GPC5: variants seen among roughly 807,000 people sequenced by gnomAD.
GPC5 encodes the protein glypican-5.
In GPC5, 47 loss-of-function variants were observed where a neutral mutation model predicts 53.9. That is an observed-to-expected ratio of 0.87 (90% CI 0.69 to 1.11). The LOEUF (loss-of-function observed/expected upper bound fraction) is 1.11, where lower values mean the gene tolerates loss of function less well. GPC5 is among the 50% of genes most tolerant of loss of function. The pLI is 0.00. For synonymous variants in GPC5, 286 were observed against 263.3 expected (o/e 1.09, Z -0.84); for missense variants, 748 against 713.1 (o/e 1.05, Z -0.56).
chr13:92,125,931 T>G (rs1400241123), intron 6 of GPC5, among the ~76,000 whole-genome samples: 536 of 4,992 alleles, frequency 0.11, 16 homozygotes, highest in African/African-American at 0.15. Flanking sequence ...TTGGTTTTTT[T>G]TTTTTTTTTT....
intron 6 of GPC5, among the ~76,000 whole-genome samples, chr13:91,938,005 C>T (rs928188498): frequency 6.6e-6 from 1 of 151,972 alleles, no homozygotes; most frequent in Non-Finnish European, 1.5e-5. Flanking sequence ...ATTCATGAGA[C>T]CATTTTCAAG....
At chr13:91,962,791 A>T (rs1320779108) in intron 6 of GPC5, among the ~76,000 whole-genome samples, 1 of 152,196 alleles carries the variant, frequency 6.6e-6, no homozygotes, top group African/African-American at 2.4e-5. Flanking sequence ...TTGAGAAATG[A>T]TTCTGCTGGT....
At chr13:92,080,665 A>C (rs2138879818) in intron 6 of GPC5, among the ~76,000 whole-genome samples, 1 of 152,256 alleles carries the variant, frequency 6.6e-6, no homozygotes, top group South Asian at 2.1e-4. Context: ...TACTTACACA[A>C]GTTCTATCTC....
intron 6 of GPC5, among the ~76,000 whole-genome samples, chr13:92,019,956 T>C (rs1305200563): frequency 6.6e-6 from 1 of 152,108 alleles, no homozygotes; most frequent in Non-Finnish European, 1.5e-5. Flanking sequence ...GGAAGTTTGA[T>C]ATGAGTATCT....
At chr13:92,224,213 G>A (rs2042468528) in intron 7 of GPC5, among the ~76,000 whole-genome samples, 2 of 152,230 alleles carry the variant, frequency 1.3e-5, no homozygotes, top group South Asian at 2.1e-4. Flanking sequence ...CAGGCCATCA[G>A]AATAGCAATA....
intron 6 of GPC5, among the ~76,000 whole-genome samples, chr13:92,106,535 T>A (rs1425303887): frequency 6.6e-6 from 1 of 151,988 alleles, no homozygotes. Flanking sequence ...ATCATAAAAA[T>A]TGTCTTAGAG....
chr13:92,779,762 T>C (rs1875952548), intron 7 of GPC5, among the ~76,000 whole-genome samples: 1 of 152,180 alleles, frequency 6.6e-6, no homozygotes, highest in African/African-American at 2.4e-5. Context: ...CAAAGGTTAA[T>C]TTATCAGTTT....
chr13:92,313,062 C>T (rs150752652), intron 7 of GPC5, among the ~76,000 whole-genome samples: 127 of 152,152 alleles, frequency 8.3e-4, no homozygotes, highest in African/African-American at 2.7e-3. Flanking sequence ...TGTGGACCAC[C>T]TACTTGTTCA....
At chr13:92,757,356 T>G (rs546025492) in intron 7 of GPC5, among the ~76,000 whole-genome samples, 62 of 152,270 alleles carry the variant, frequency 4.1e-4, no homozygotes, top group African/African-American at 6.7e-4. Context: ...ACTTAAATGT[T>G]AGACCTAAAA....
intron 7 of GPC5, among the ~76,000 whole-genome samples, chr13:92,436,380 T>C (rs544344764): frequency 1.8e-4 from 27 of 152,172 alleles, no homozygotes; most frequent in Non-Finnish European, 3.2e-4. Context: ...AAAAGTGCCT[T>C]TCTCTCATTC....
chr13:92,723,379 C>T (rs999893323), intron 7 of GPC5, among the ~76,000 whole-genome samples: 4 of 151,698 alleles, frequency 2.6e-5, no homozygotes, highest in African/African-American at 7.3e-5. Flanking sequence ...GGTAAGGAGT[C>T]GAATGCACTT....
At chr13:92,246,854 A>C (rs937645779) in intron 7 of GPC5, among the ~76,000 whole-genome samples, 1 of 152,172 alleles carries the variant, frequency 6.6e-6, no homozygotes, top group African/African-American at 2.4e-5. Flanking sequence ...AAATTAGTTA[A>C]TTATAAGAGA....
At chr13:91,643,831 G>T (rs1270866811) in intron 2 of GPC5, among the ~76,000 whole-genome samples, 2 of 151,998 alleles carry the variant, frequency 1.3e-5, no homozygotes, top group African/African-American at 4.8e-5. Context: ...TGGATTAGGA[G>T]TCTCCATTAC....
chr13:92,293,422 C>CT (rs748125673), intron 7 of GPC5, among the ~76,000 whole-genome samples: 1,317 of 77,270 alleles, frequency 0.017, 104 homozygotes, highest in African/African-American at 0.02. Context: ...TGGTTGGTTT[C>CT]TTTTTTTTTT....
chr13:91,904,451 T>G (rs2039532519), intron 5 of GPC5, among the ~76,000 whole-genome samples: 1 of 152,076 alleles, frequency 6.6e-6, no homozygotes, highest in African/African-American at 2.4e-5. Flanking sequence ...GCTAATTATA[T>G]CTTTACCTTT....
At chr13:91,550,958 A>G (rs1330285133) in intron 2 of GPC5, among the ~76,000 whole-genome samples, 1 of 152,156 alleles carries the variant, frequency 6.6e-6, no homozygotes, top group Admixed American at 6.6e-5. Flanking sequence ...GCCATGTGGA[A>G]TTGTGAGTCA....
chr13:91,552,811 T>C (rs1407666643), intron 2 of GPC5, among the ~76,000 whole-genome samples: 1 of 152,086 alleles, frequency 6.6e-6, no homozygotes, highest in Non-Finnish European at 1.5e-5. Context: ...GCTGCAGAGA[T>C]TTTATTTATG....
intron 2 of GPC5, among the ~76,000 whole-genome samples, chr13:91,519,920 C>T (rs1015103472): frequency 8.0e-5 from 12 of 150,678 alleles, no homozygotes; most frequent in African/African-American, 2.7e-4. Flanking sequence ...AAGAACTTAT[C>T]AAAAAAAATC....
intron 7 of GPC5, among the ~76,000 whole-genome samples, chr13:92,547,830 T>C (rs1207791015): frequency 2.1e-5 from 3 of 141,178 alleles, no homozygotes; most frequent in Non-Finnish European, 4.6e-5. Context: ...TTTTTTTTTT[T>C]TTTTTTTTTT....
Sources: gnomAD v4.1 joint callset for allele counts (sites outside exome capture counted in the v4.1 genomes callset) on GRCh38, gnomAD v4.1.1 for gene constraint, MANE v1.5 for transcripts, NCBI Gene and HGNC (gene_info 2026-07-23, HGNC 2026-07-21) for gene names.